The following ACTR3C variants were observed in gnomAD, a reference collection of about 807,000 sequenced individuals.
ACTR3C encodes actin related protein 3C.
In ACTR3C, 18 loss-of-function variants were observed where a neutral mutation model predicts 26.3. That is an observed-to-expected ratio of 0.68 (90% CI 0.47 to 1.01). The LOEUF (loss-of-function observed/expected upper bound fraction) is 1.01, where lower values mean the gene tolerates loss of function less well. ACTR3C is among the 50% of genes least tolerant of loss of function. The pLI is 0.00. For synonymous variants in ACTR3C, 55 were observed against 94.5 expected, an observed-to-expected ratio of 0.58 and a Z score of 2.42; for missense variants, 184 against 250.7, an observed-to-expected ratio of 0.73 and a Z score of 1.80.
the ACTR3C span, among the ~76,000 whole-genome samples, chr7:150,129,627 C>T: frequency 0.16 from 24,731 of 151,860 alleles, 1,991 homozygotes; most frequent in Admixed American, 0.18. Flanking sequence ...ATTCATAACA[C>T]CTTTTGAATA....
chr7:149,888,779 G>T, the ACTR3C span, among the ~76,000 whole-genome samples: 1,331 of 152,214 alleles, frequency 8.7e-3, 13 homozygotes, highest in African/African-American at 0.03. Flanking sequence ...AGGCCAAGGC[G>T]GGTGGATCAC....
chr7:150,015,446 C>G, the ACTR3C span, among the ~76,000 whole-genome samples: 1 of 152,186 alleles, frequency 6.6e-6, no homozygotes, highest in African/African-American at 2.4e-5. Flanking sequence ...ATCACATACA[C>G]TCAGTTGCCA....
the ACTR3C span, among the ~76,000 whole-genome samples, chr7:150,075,917 G>A: frequency 7.2e-5 from 11 of 152,200 alleles, no homozygotes; most frequent in Middle Eastern, 6.8e-3. Flanking sequence ...CCCTCTGCTC[G>A]GACTCCATTT....
the ACTR3C span, among the ~76,000 whole-genome samples, chr7:150,206,578 T>C: frequency 6.6e-6 from 1 of 151,444 alleles, no homozygotes; most frequent in Admixed American, 6.6e-5. Flanking sequence ...CATGCCCAGA[T>C]AATTTTTTTT....
At chr7:149,913,236 G>A in the ACTR3C span, among the ~76,000 whole-genome samples, 1 of 151,956 alleles carries the variant, frequency 6.6e-6, no homozygotes, top group African/African-American at 2.4e-5. Context: ...TGAAGAGCAG[G>A]ACCAAAAAAA....
At chr7:149,908,596 T>C in the ACTR3C span, among the ~76,000 whole-genome samples, 15 of 152,206 alleles carry the variant, frequency 9.9e-5, no homozygotes, top group African/African-American at 3.6e-4. Flanking sequence ...CATTCCCCAC[T>C]GTTCACAAAG....
intron 1 of ACTR3C, among the ~76,000 whole-genome samples, chr7:150,310,983 C>T (rs571579925): frequency 1.5e-4 from 23 of 152,260 alleles, no homozygotes; most frequent in African/African-American, 4.8e-4. Context: ...TCCTGCAGAC[C>T]GTGTTCAGTT....
At chr7:149,882,926 T>C in the ACTR3C span, among the ~76,000 whole-genome samples, 143 of 152,094 alleles carry the variant, frequency 9.4e-4, 1 homozygote, top group African/African-American at 3.4e-3. Flanking sequence ...GGTTCTGGCC[T>C]CCCCCAGAGC....
At chr7:150,106,927 T>G in the ACTR3C span, among the ~76,000 whole-genome samples, 1 of 145,958 alleles carries the variant, frequency 6.9e-6, no homozygotes, top group Admixed American at 6.7e-5. Flanking sequence ...CTGGGGAAGA[T>G]GAGAAAATGA....
chr7:150,076,455 A>G, the ACTR3C span: 1 of 152,170 alleles, frequency 6.6e-6, no homozygotes, highest in Admixed American at 6.5e-5. Context: ...TTGTGGATTG[A>G]TAGCTGAACT....
At chr7:149,985,207 AACACACACACACACACAC>A in the ACTR3C span, among the ~76,000 whole-genome samples, 16 of 130,804 alleles carry the variant, frequency 1.2e-4, no homozygotes, top group East Asian at 2.2e-4. Flanking sequence ...CAAACAAAGC[AACACACACACACACACAC>A]ACACACACAC....
intron 1 of ACTR3C, chr7:150,322,869 T>C (rs1020127713): frequency 6.6e-6 from 1 of 152,308 alleles, no homozygotes; most frequent in Non-Finnish European, 1.5e-5. Flanking sequence ...AACCGACCGA[T>C]AGATGAGCCT....
the ACTR3C span, among the ~76,000 whole-genome samples, chr7:150,097,838 T>C: frequency 6.6e-6 from 1 of 151,356 alleles, no homozygotes; most frequent in Non-Finnish European, 1.5e-5. Context: ...TTACCAACTC[T>C]CTCAGTCAAA....
At chr7:150,297,345 G>A (rs181257588) in intron 1 of ACTR3C, among the ~76,000 whole-genome samples, 1 of 149,182 alleles carries the variant, frequency 6.7e-6, no homozygotes, top group Non-Finnish European at 1.5e-5. Context: ...CACATTATGT[G>A]TCAATTTAAA....
At chr7:150,114,512 A>G in the ACTR3C span, among the ~76,000 whole-genome samples, 1 of 152,322 alleles carries the variant, frequency 6.6e-6, no homozygotes, top group Middle Eastern at 3.4e-3. Context: ...CTCTACTTAG[A>G]CAAATAGAAA....
chr7:150,245,355 G>A (rs970040929), downstream of ACTR3C: 5 of 152,124 alleles, frequency 3.3e-5, no homozygotes, highest in African/African-American at 1.2e-4. Flanking sequence ...ACAAAGATTT[G>A]TATTTTAATT....
the ACTR3C span, among the ~76,000 whole-genome samples, chr7:150,058,777 TG>T: frequency 6.6e-6 from 1 of 152,028 alleles, no homozygotes; most frequent in Non-Finnish European, 1.5e-5. Flanking sequence ...TAGCTGGACC[TG>T]GTGGCGTATG....
At chr7:150,256,836 TG>T (rs1833254118) in intron 6 of ACTR3C, among the ~76,000 whole-genome samples, 1 of 152,260 alleles carries the variant, frequency 6.6e-6, no homozygotes, top group African/African-American at 2.4e-5. Context: ...TTAACTGACA[TG>T]TAGAGAACAT....
chr7:149,957,482 C>T, the ACTR3C span, among the ~76,000 whole-genome samples: 2 of 152,192 alleles, frequency 1.3e-5, no homozygotes, highest in East Asian at 3.9e-4. Context: ...CCCTCTCCTT[C>T]CCATTCTCCT....
Sources: allele counts gnomAD v4.1 joint callset (sites outside exome capture counted in the v4.1 genomes callset), GRCh38; gene constraint gnomAD v4.1.1; transcripts MANE v1.5; gene names NCBI Gene and HGNC (gene_info 2026-07-23, HGNC 2026-07-21).